BRAF: variants seen among roughly 807,000 people sequenced by gnomAD.
The protein encoded by BRAF is serine/threonine-protein kinase B-raf.
Under a neutral mutation model 104.6 loss-of-function variants are expected in BRAF, and 16 were observed. The ratio of observed to expected loss-of-function variants is 0.15; its 90% confidence interval spans 0.10 to 0.23. The LOEUF (loss-of-function observed/expected upper bound fraction) is 0.23, where lower values mean the gene tolerates loss of function less well. BRAF is among the 10% of genes least tolerant of loss of function. The pLI, the probability that BRAF is intolerant of heterozygous loss-of-function variation, is 1.00. For synonymous variants in BRAF, 310 were observed against 341.6 expected, an observed-to-expected ratio of 0.91 and a Z score of 1.02; for missense variants, 541 against 937.3, an observed-to-expected ratio of 0.58 and a Z score of 5.52.
At chr7:140,759,471 C>G (rs1159486430) in intron 14 of BRAF, among the ~76,000 whole-genome samples, 1 of 152,244 alleles carries the variant, frequency 6.6e-6, no homozygotes, top group Non-Finnish European at 1.5e-5. Context: ...ACTGCAACCT[C>G]TGCCTCCCGG....
At position 140,870,734 on chromosome 7, in the gene BRAF, T is replaced by G. The variant is rs115979456; in HGVS notation, c.139-20522A>C. ...GAGGAAACGGAACCACGAAGAGCAC[T>G]TCTAAACTTCATTGTGAACCTACAT... On this transcript the variant is annotated intron_variant, in intron 1 of 19. Coordinates refer to ENST00000644969, the MANE Select transcript of BRAF (RefSeq NM_001374258.1). 9.8e-3 allele frequency among the ~76,000 whole-genome samples: 1,489 copies of G among 152,130 alleles called. 25 individuals are homozygous for G. The highest frequency in any genetic ancestry group is 0.034 in the African/African-American group (1,402 of 41,498).
intron 1 of BRAF, among the ~76,000 whole-genome samples, chr7:140,865,268 C>T (rs200199189): frequency 2.0e-5 from 3 of 152,090 alleles, no homozygotes; most frequent in Middle Eastern, 3.4e-3. Flanking sequence ...TTAGTAGAAA[C>T]GGGGTTTCAC....
At chr7:140,835,889 T>C (rs1163233066) in intron 2 of BRAF, 2 of 152,220 alleles carry the variant, frequency 1.3e-5, no homozygotes, top group South Asian at 2.1e-4. Flanking sequence ...TATTTTAAAA[T>C]GGCCTTTCCC....
intron 1 of BRAF, among the ~76,000 whole-genome samples, chr7:140,852,591 A>G (rs1230544318): frequency 6.6e-6 from 1 of 152,134 alleles, no homozygotes; most frequent in Non-Finnish European, 1.5e-5. Flanking sequence ...AATTTTTCAT[A>G]TCTCCAAAAA....
chr7:140,827,212 C>T (rs1237941213), intron 3 of BRAF, among the ~76,000 whole-genome samples: 2 of 152,184 alleles, frequency 1.3e-5, no homozygotes, highest in African/African-American at 2.4e-5. Flanking sequence ...TGTTTTAAGT[C>T]TGCTAACTCA....
chr7:140,833,764 C>T (rs1001201275), intron 3 of BRAF, among the ~76,000 whole-genome samples: 2 of 152,132 alleles, frequency 1.3e-5, no homozygotes, highest in African/African-American at 4.8e-5. Context: ...GCCATATTTC[C>T]TAAGATAAAA....
intron 2 of BRAF, among the ~76,000 whole-genome samples, chr7:140,837,626 C>A (rs1055854474): frequency 6.6e-6 from 1 of 152,164 alleles, no homozygotes; most frequent in African/African-American, 2.4e-5. Flanking sequence ...AATAATAAAA[C>A]TGGTCTAATT....
chr7:140,749,016 G>A (rs185075569), intron 17 of BRAF: 6 of 404,824 alleles, frequency 1.5e-5, no homozygotes, highest in Admixed American at 1.1e-4. Flanking sequence ...CTAATTGTGC[G>A]ATGGTCAAGA....
At position 140,801,579 on chromosome 7, in the gene BRAF, CAG is replaced by C. The variant is rs764713879; in HGVS notation, c.712-21_712-20del. 1.2e-6 allele frequency: 2 copies of C among 1,607,084 alleles called. No homozygotes were observed. Among genetic ancestry groups the C allele is most frequent in the Admixed American group, 1.7e-5 (1 of 59,736 alleles). On this transcript the variant is annotated intron_variant, in intron 5 of 19. Coordinates refer to ENST00000644969, the MANE Select transcript of BRAF (RefSeq NM_001374258.1). ...TTCGTACCTGCAAAGTAAAAAATCA[CAG>C]AGATTTCAAAAACTCACAAGAAAAC...
intron 1 of BRAF, among the ~76,000 whole-genome samples, chr7:140,889,167 T>C (rs1305684763): frequency 6.6e-6 from 1 of 152,130 alleles, no homozygotes; most frequent in African/African-American, 2.4e-5. Flanking sequence ...TAATAATCTC[T>C]GACAAGAAAC....
intron 17 of BRAF, among the ~76,000 whole-genome samples, chr7:140,742,497 A>T (rs988692200): frequency 6.6e-6 from 1 of 152,168 alleles, no homozygotes; most frequent in African/African-American, 2.4e-5. Context: ...CCCAGCCAAC[A>T]TGGTGGTTTT....
chr7:140,878,842 C>G (rs1812550042), intron 1 of BRAF, among the ~76,000 whole-genome samples: 1 of 152,084 alleles, frequency 6.6e-6, no homozygotes. Context: ...AAATATCACA[C>G]GTACCCCAGA....
intron 19 of BRAF, chr7:140,733,505 A>T (rs1238647682): frequency 6.6e-6 from 1 of 152,214 alleles, no homozygotes; most frequent in East Asian, 1.9e-4. Flanking sequence ...CATTACAGTC[A>T]TTTTCTACAC....
intron 1 of BRAF, among the ~76,000 whole-genome samples, chr7:140,904,858 C>T (rs766695851): frequency 3.3e-5 from 5 of 152,156 alleles, no homozygotes; most frequent in African/African-American, 4.8e-5. Flanking sequence ...CCGCCTGCCT[C>T]GGCCTCCCAA....
At chr7:140,809,135 T>A in intron 3 of BRAF, 140 bp from the exon 4 acceptor site, 1 of 657,880 alleles carries the variant, frequency 1.5e-6, no homozygotes, top group East Asian at 2.8e-5. Context: ...TACAGCTAAC[T>A]TAATACTAAA....
At chr7:140,813,068 A>C (rs929264390) in intron 3 of BRAF, among the ~76,000 whole-genome samples, 1 of 152,188 alleles carries the variant, frequency 6.6e-6, no homozygotes, top group African/African-American at 2.4e-5. Context: ...AGCTAAAAAA[A>C]AACTTTTGGA....
chr7:140,885,297 C>T (rs910634954), intron 1 of BRAF, among the ~76,000 whole-genome samples: 83 of 152,208 alleles, frequency 5.5e-4, no homozygotes, highest in African/African-American at 1.9e-3. Context: ...GCCACCGCAC[C>T]TGGCCCCAAA....
intron 1 of BRAF, among the ~76,000 whole-genome samples, chr7:140,903,127 T>C (rs1815858809): frequency 6.6e-6 from 1 of 151,866 alleles, no homozygotes; most frequent in Admixed American, 6.6e-5. Context: ...GGTTTCTCCA[T>C]GTTGGCCAGG....
chr7:140,874,326 C>T (rs564220823), intron 1 of BRAF, among the ~76,000 whole-genome samples: 4 of 151,430 alleles, frequency 2.6e-5, no homozygotes, highest in South Asian at 2.1e-4. Flanking sequence ...CTCAGCCTCC[C>T]GGGTAGCTGG....
Sources: allele counts gnomAD v4.1 joint callset (sites outside exome capture counted in the v4.1 genomes callset), GRCh38; gene constraint gnomAD v4.1.1; transcripts MANE v1.5; gene names NCBI Gene and HGNC (gene_info 2026-07-23, HGNC 2026-07-21).